CSMD1: variants seen among roughly 807,000 people sequenced by gnomAD.
CSMD1 encodes the protein CUB and sushi domain-containing protein 1.
CSMD1 carries 213 observed loss-of-function variants against 417.5 expected under a neutral mutation model. The ratio of observed to expected loss-of-function variants is 0.51; its 90% CI spans 0.46 to 0.57. CSMD1 has a LOEUF of 0.57. Ranked by LOEUF, CSMD1 falls within the 20% of genes least tolerant of loss-of-function variation. CSMD1 has a pLI of 0.00. For synonymous variants in CSMD1, 2,862 were observed against 1,736.8 expected (o/e 1.65, Z -16.11); for missense variants, 6,923 against 4,529.7 (o/e 1.53, Z -15.17).
Position 2,981,208 on chromosome 8 carries a change from T to C in CSMD1, c.8378-2408A>G, listed in dbSNP as rs544894454. On this transcript the variant is annotated intron_variant, in intron 54 of 69. Transcript: ENST00000635120. ...GTGTTTTACTGTACAGAGAAGAATT[T>C]ATCTGCCAGAAGAGTTTGTTAGTGA... 7.2e-5 allele frequency among the ~76,000 whole-genome samples: 11 copies of C among 152,348 alleles called. No homozygotes were observed. The East Asian group carries it at 2.1e-3, about 29-fold the overall frequency.
At chr8:4,283,122 T>C (rs1796880135) in intron 3 of CSMD1, among the ~76,000 whole-genome samples, 1 of 152,324 alleles carries the variant, frequency 6.6e-6, no homozygotes, top group Non-Finnish European at 1.5e-5. Flanking sequence ...CTACCAGTAA[T>C]CATGGATAAA....
At chr8:4,918,515 G>C (rs1051446261) in intron 1 of CSMD1, among the ~76,000 whole-genome samples, 2 of 151,914 alleles carry the variant, frequency 1.3e-5, no homozygotes, top group Non-Finnish European at 2.9e-5. Flanking sequence ...ATTAGAAAAA[G>C]GACAGGGATA....
At chr8:3,865,755 C>T (rs1805050509) in intron 5 of CSMD1, among the ~76,000 whole-genome samples, 1 of 152,116 alleles carries the variant, frequency 6.6e-6, no homozygotes, top group African/African-American at 2.4e-5. Context: ...TGGAGTAATG[C>T]TATTTGCTAG....
chr8:3,730,422 C>T (rs1802778096), intron 6 of CSMD1, among the ~76,000 whole-genome samples: 1 of 139,578 alleles, frequency 7.2e-6, no homozygotes, highest in Admixed American at 7.9e-5. Context: ...TGGGATAGAG[C>T]AAACCTCTAG....
chr8:3,595,144 C>A (rs1221432449), intron 8 of CSMD1, among the ~76,000 whole-genome samples: 1 of 152,270 alleles, frequency 6.6e-6, no homozygotes, highest in Non-Finnish European at 1.5e-5. Context: ...GGAACTTGGA[C>A]AATTCACCGG....
intron 3 of CSMD1, among the ~76,000 whole-genome samples, chr8:4,210,478 G>A (rs537812110): frequency 8.9e-4 from 135 of 152,112 alleles, no homozygotes; most frequent in Non-Finnish European, 1.9e-3. Flanking sequence ...ACTGCAAACA[G>A]ACAATAATTC....
intron 1 of CSMD1, among the ~76,000 whole-genome samples, chr8:4,905,688 C>G (rs529505743): frequency 6.6e-6 from 1 of 151,634 alleles, no homozygotes; most frequent in Non-Finnish European, 1.5e-5. Context: ...GGCGTGGTGG[C>G]GGGCGCCTGT....
chr8:3,028,806 G>T (rs185654340), intron 51 of CSMD1, among the ~76,000 whole-genome samples: 1 of 152,150 alleles, frequency 6.6e-6, no homozygotes, highest in Non-Finnish European at 1.5e-5. Flanking sequence ...CTGATTCAGA[G>T]TGCTCTGAAC....
At chr8:3,622,950 T>A (rs180796788) in intron 7 of CSMD1, among the ~76,000 whole-genome samples, 304 of 152,330 alleles carry the variant, frequency 2.0e-3, no homozygotes, top group Non-Finnish European at 3.6e-3. Flanking sequence ...TTAACTCTAA[T>A]TTTGTTGAAT....
At chr8:3,287,927 T>C (rs1307283750) in intron 25 of CSMD1, among the ~76,000 whole-genome samples, 2 of 146,206 alleles carry the variant, frequency 1.4e-5, no homozygotes, top group East Asian at 2.0e-4. Flanking sequence ...CAGTATGATA[T>C]TGGCTGTGGG....
intron 1 of CSMD1, among the ~76,000 whole-genome samples, chr8:4,725,776 G>A (rs774493744): frequency 6.6e-6 from 1 of 152,140 alleles, no homozygotes; most frequent in Non-Finnish European, 1.5e-5. Context: ...AGTTACACAG[G>A]ATTTGCGCTG....
At chr8:4,748,472 G>A (rs1811096079) in intron 1 of CSMD1, among the ~76,000 whole-genome samples, 1 of 152,206 alleles carries the variant, frequency 6.6e-6, no homozygotes, top group African/African-American at 2.4e-5. Context: ...ACTCTGGAAA[G>A]TGTGGCTGGC....
intron 47 of CSMD1, among the ~76,000 whole-genome samples, chr8:3,093,096 A>G (rs907334069): frequency 5.9e-5 from 9 of 152,292 alleles, no homozygotes; most frequent in Non-Finnish European, 8.8e-5. Context: ...AAATTTACAC[A>G]TTGAAGTCCT....
At chr8:3,345,027 G>T (rs1807898699) in intron 22 of CSMD1, among the ~76,000 whole-genome samples, 1 of 152,316 alleles carries the variant, frequency 6.6e-6, no homozygotes, top group Non-Finnish European at 1.5e-5. Context: ...CTGGGTCAAA[G>T]AGAAAAGGTG....
intron 2 of CSMD1, among the ~76,000 whole-genome samples, chr8:4,590,199 G>A (rs1478939523): frequency 6.6e-6 from 1 of 151,888 alleles, no homozygotes; most frequent in Non-Finnish European, 1.5e-5. Flanking sequence ...ATGAGACCAG[G>A]ATAACTCATC....
Position 4,057,295 on chromosome 8 carries a change from A to AT in CSMD1, c.416-25197dup, listed in dbSNP as rs1410407244. Among the ~76,000 whole-genome samples, 4 of 152,118 alleles carry AT rather than the reference A, an allele frequency of 2.6e-5. No individual in the cohort carries two copies. The East Asian group carries it at 7.7e-4, about 29-fold the overall frequency. ...TCTCTGATGGCCAGTGATGGTGAGC[A>AT]TTTTTTCATGTGCTTTTTGGCTGCA... On this transcript the variant is annotated intron_variant, in intron 3 of 69. Transcript: ENST00000635120.
At chr8:3,792,187 G>C (rs577315370) in intron 5 of CSMD1, among the ~76,000 whole-genome samples, 1 of 152,136 alleles carries the variant, frequency 6.6e-6, no homozygotes, top group South Asian at 2.1e-4. Context: ...CCAGCTACAG[G>C]GGAGGCTGAG....
chr8:3,934,061 G>A (rs1386443087), intron 5 of CSMD1, among the ~76,000 whole-genome samples: 5 of 152,118 alleles, frequency 3.3e-5, no homozygotes, highest in Admixed American at 2.0e-4. Context: ...CTGAGTATCA[G>A]TGACACCATG....
At chr8:3,805,378 T>G (rs1449808276) in intron 5 of CSMD1, among the ~76,000 whole-genome samples, 1 of 152,062 alleles carries the variant, frequency 6.6e-6, no homozygotes, top group East Asian at 1.9e-4. Flanking sequence ...GAGCCACAAG[T>G]TACCCCTAAA....
Sources: allele counts gnomAD v4.1 joint callset (sites outside exome capture counted in the v4.1 genomes callset), GRCh38; gene constraint gnomAD v4.1.1; transcripts MANE v1.5; gene names NCBI Gene and HGNC (gene_info 2026-07-23, HGNC 2026-07-21).